SLC2A11: variants seen among roughly 807,000 people sequenced by gnomAD.
SLC2A11 encodes solute carrier family 2, facilitated glucose transporter member 11.
SLC2A11 carries 43 observed loss-of-function variants against 52.1 expected under a neutral mutation model. That is an observed-to-expected ratio of 0.82 (90% CI 0.65 to 1.06). The LOEUF (loss-of-function observed/expected upper bound fraction) is 1.06, where lower values mean the gene tolerates loss of function less well. Among genes scored for constraint, SLC2A11 ranks in the 50% least tolerant of loss-of-function variants. SLC2A11 has a pLI of 0.00. For missense variants in SLC2A11, 582 were observed against 654.2 expected, an observed-to-expected ratio of 0.89 and a Z score of 1.20; for synonymous variants, 261 against 277.6, an observed-to-expected ratio of 0.94 and a Z score of 0.59.
rs759180276 is a variant in SLC2A11 at position 23,884,663 on chromosome 22, C to A, written c.1314C>A (p.His438Gln). The A allele has an allele frequency of 5.0e-6, 8 of 1,613,046 alleles. No homozygotes were observed. The African/African-American group carries it at 1.1e-4, about 22-fold the overall frequency. The change falls in exon 12 of 12, where the codon CAC (histidine) becomes CAA (glutamine). Residue 438 changes from histidine to glutamine, a missense_variant. His to Gln is a conservative substitution (Grantham distance 24, BLOSUM62 0). Coordinates refer to ENST00000316185, the MANE Select transcript of SLC2A11 (RefSeq NM_001024939.4). This position sits in a 1 kb window ranked among gnomAD's most constrained non-coding sequence, Gnocchi z 4.3. Reference sequence around the variant, plus strand: ...TTAATCCGCAGGAGGCCTTGTCCCACTTCCTCTATGTCCCTTTCCTTGGTG... The same window carrying A: ...TTAATCCGCAGGAGGCCTTGTCCCAATTCCTCTATGTCCCTTTCCTTGGTG... The part of the protein sequence containing the change: ...GFPFIMEALS[H>Q]FLYVPFLGVC...
In SLC2A11 at chr22:23,884,173, G is replaced by A; in HGVS notation, c.1172-129G>A. 6.8e-7 allele frequency: 1 copy of A among 1,477,142 alleles called. No individual in the cohort carries two copies. 91.5% of individuals were successfully genotyped at this position (1,477,142 alleles called of 1,614,324 possible). A position where few individuals can be genotyped will look rare whatever the true frequency, so the allele number is the denominator to read the frequency against. ...CGGGGCTTCTGGGAGGGAATGGCAG[G>A]AGGAGAGCACTGAGGGGCCCCCCAT... is the stretch of plus-strand genomic sequence containing the variant. On this transcript the variant is annotated intron_variant, in intron 10 of 11. Coordinates refer to ENST00000316185, the MANE Select transcript of SLC2A11 (RefSeq NM_001024939.4). This position sits in a 1 kb window ranked among gnomAD's most constrained non-coding sequence, Gnocchi z 4.3.
chr22:23,862,060 G>T (rs766644603), intron 1 of SLC2A11, 44 bp from the exon 2 acceptor site: 1 of 1,517,614 alleles, frequency 6.6e-7, no homozygotes, highest in Non-Finnish European at 9.2e-7. Context: ...GGGAGGGGGT[G>T]GAGGCTGTTG....
intron 3 of SLC2A11, among the ~76,000 whole-genome samples, chr22:23,874,033 A>G (rs1394292704): frequency 6.6e-6 from 1 of 152,160 alleles, no homozygotes; most frequent in African/African-American, 2.4e-5. Context: ...GCTCAATATG[A>G]GGAGCCAAAG....
chr22:23,872,156 C>CCTAT (rs558968078), intron 3 of SLC2A11: 119 of 152,282 alleles, frequency 7.8e-4, no homozygotes, highest in African/African-American at 2.8e-3. Context: ...GGCAACATAG[C>CCTAT]AGAACCCCAT....
rs577739788 is a variant in SLC2A11 at position 23,884,861 on chromosome 22, T to A, written c.*12T>A. 2 of 1,613,186 alleles carry A rather than the reference T, an allele frequency of 1.2e-6. No homozygotes were observed. Among genetic ancestry groups the A allele is most frequent in the Non-Finnish European group, 1.7e-6 (2 of 1,179,398 alleles). ...CAACAGAACTCTAGTCCCAAAGGGG[T>A]GGCCAGAGCCAAAGCCAGCTACTGT... On this transcript the variant is annotated 3_prime_UTR_variant, in exon 12 of 12. Transcript: ENST00000316185. This position sits in a 1 kb window ranked among gnomAD's most constrained non-coding sequence, Gnocchi z 4.3.
upstream of SLC2A11, chr22:23,857,285 G>C: frequency 3.6e-6 from 3 of 830,338 alleles, no homozygotes; most frequent in Non-Finnish European, 5.8e-6. Flanking sequence ...AAAGGAGGGG[G>C]ACGAGGGGCC....
intron 4 of SLC2A11, among the ~76,000 whole-genome samples, chr22:23,876,335 C>T (rs1487287984): frequency 6.6e-6 from 1 of 152,112 alleles, no homozygotes; most frequent in Non-Finnish European, 1.5e-5. Flanking sequence ...GTAGGAAGAG[C>T]AGGGGCACCT....
At chr22:23,874,958 C>A in intron 3 of SLC2A11, 159 bp from the exon 4 acceptor site, 1 of 715,754 alleles carries the variant, frequency 1.4e-6, no homozygotes, top group African/African-American at 1.8e-5. Flanking sequence ...TCTCATTTGA[C>A]AGCAAGGATA....
rs761282787 is a variant in SLC2A11 at position 23,877,090 on chromosome 22, A to G, written c.464A>G (p.Lys155Arg). The G allele has an allele frequency of 1.9e-6, 3 of 1,613,906 alleles. No homozygotes were observed. Among genetic ancestry groups the G allele is most frequent in the Non-Finnish European group, 2.5e-6 (3 of 1,179,968 alleles). Residue 155 changes from lysine to arginine, a missense_variant, in exon 5 of 12, where the codon AAG (lysine) becomes AGG (arginine). Physicochemically the swap from Lys to Arg is conservative, Grantham distance 26. Coordinates refer to ENST00000316185, the MANE Select transcript of SLC2A11 (RefSeq NM_001024939.4). ...QPMYLGESAP[K>R]ELRGAVAMSS... ...ATGTACCTGGGGGAGAGCGCCCCTAAGGAGCTCCGAGGAGCTGTGGCCATG... is the reference window on the plus strand; with the variant it reads ...ATGTACCTGGGGGAGAGCGCCCCTAGGGAGCTCCGAGGAGCTGTGGCCATG...
chr22:23,860,167 T>G (rs1349217099), intron 1 of SLC2A11, among the ~76,000 whole-genome samples: 2 of 152,182 alleles, frequency 1.3e-5, no homozygotes, highest in Admixed American at 1.3e-4. Context: ...ACGCCTGTAA[T>G]CCTACCACTT....
At position 23,858,046 on chromosome 22, in the gene SLC2A11, T is replaced by C. The variant is rs756600952; in HGVS notation, c.30+17T>C. ...TCTAGAATGGTATGAATTCTCATAC[T>C]TGCCCAGACCAGGCGTTTCAGATGA... On this transcript the variant is annotated intron_variant, in intron 1 of 11. Transcript: ENST00000316185. The C allele has an allele frequency of 4.5e-6, 7 of 1,555,646 alleles. No individual in the cohort carries two copies. The South Asian group carries it at 4.7e-5, about 11-fold the overall frequency.
upstream of SLC2A11, chr22:23,857,777 A>T (rs1227733118): frequency 2.1e-6 from 3 of 1,426,372 alleles, no homozygotes; most frequent in Non-Finnish European, 2.8e-6. Context: ...GCGAACCCTC[A>T]GCTGGTGCGG....
rs548256360 is a variant in SLC2A11, at chr22:23,884,243, G to C, written c.1172-59G>C. The C allele has an allele frequency of 1.9e-6, 3 of 1,571,526 alleles. No individual in the cohort carries two copies. The highest frequency in any genetic ancestry group is 4.6e-5 in the East Asian group (2 of 43,750). ...CCACTCCCATGTCTGGGCTGGGGTCGGGGAGAGGCAGGCAGGGAACCCTGG... is the reference window on the plus strand; with the variant it reads ...CCACTCCCATGTCTGGGCTGGGGTCCGGGAGAGGCAGGCAGGGAACCCTGG... On this transcript the variant is annotated intron_variant, in intron 10 of 11. Coordinates refer to ENST00000316185, the MANE Select transcript of SLC2A11 (RefSeq NM_001024939.4). The surrounding 1 kb of genome is among the most constrained non-coding windows in gnomAD (Gnocchi z 4.3).
chr22:23,881,263 T>G (rs1285012894), intron 6 of SLC2A11: 2 of 152,178 alleles, frequency 1.3e-5, no homozygotes, highest in Non-Finnish European at 2.9e-5. Flanking sequence ...GGGCATTGGC[T>G]GGCTGATCTA....
At chr22:23,862,284 G>C in intron 2 of SLC2A11, 82 bp downstream of exon 2, 3 of 1,322,262 alleles carry the variant, frequency 2.3e-6, no homozygotes, top group Non-Finnish European at 1.1e-6. Context: ...CTTCAGCCAG[G>C]CATCCACTAG....
chr22:23,880,095 C>G (rs2032748957), intron 6 of SLC2A11, among the ~76,000 whole-genome samples: 1 of 151,812 alleles, frequency 6.6e-6, no homozygotes, highest in African/African-American at 2.4e-5. Flanking sequence ...ACCTGTAGTC[C>G]CAGCTACTAG....
chr22:23,857,537 C>T (rs2031880675), upstream of SLC2A11: 3 of 1,611,966 alleles, frequency 1.9e-6, no homozygotes, highest in Non-Finnish European at 8.5e-7. Flanking sequence ...CGCAGGTGAG[C>T]TCCCAGCGGC....
rs1433270778 is a variant in SLC2A11 at position 23,884,616 on chromosome 22, A to C, written c.1300-33A>C. 6 of 1,595,610 alleles carry C rather than the reference A, an allele frequency of 3.8e-6. No individual in the cohort carries two copies. Among genetic ancestry groups the C allele is most frequent in the Admixed American group, 3.5e-5 (2 of 57,542 alleles). On this transcript the variant is annotated intron_variant, in intron 11 of 11. Transcript: ENST00000316185. The surrounding 1 kb of genome is among the most constrained non-coding windows in gnomAD (Gnocchi z 4.3). The stretch of plus-strand genomic sequence containing the variant: ...CTTCTGTTTAGGGGTTGATGGAGAC[A>C]CACCAGGTCTTGGGGTCTTTTTTAA...
At chr22:23,859,181 C>T (rs1025800658) in intron 1 of SLC2A11, among the ~76,000 whole-genome samples, 2 of 152,224 alleles carry the variant, frequency 1.3e-5, no homozygotes, top group Non-Finnish European at 2.9e-5. Context: ...TTCCATGCGG[C>T]CCCCGTGGAG....
Sources: gnomAD v4.1 joint callset for allele counts (sites outside exome capture counted in the v4.1 genomes callset) on GRCh38, gnomAD v4.1.1 for gene constraint, Gnocchi (gnomAD v3.1) non-coding constraint, MANE v1.5 for transcripts, NCBI Gene and HGNC (gene_info 2026-07-23, HGNC 2026-07-21) for gene names.